TNRC6A: variants seen among roughly 807,000 people sequenced by gnomAD.
The protein encoded by TNRC6A is trinucleotide repeat-containing gene 6A protein.
A neutral mutation model predicts 221.2 loss-of-function variants in TNRC6A; 44 were observed. That is an observed-to-expected ratio of 0.20 (90% CI 0.16 to 0.26). The LOEUF (loss-of-function observed/expected upper bound fraction) is 0.26, where lower values mean the gene tolerates loss of function less well. Ranked by LOEUF, TNRC6A falls within the 10% of genes least tolerant of loss-of-function variation. The pLI is 1.00. For missense variants in TNRC6A, 2,199 were observed against 2,404.4 expected (o/e 0.91, Z 1.79); for synonymous variants, 847 against 838.5 (o/e 1.01, Z -0.18).
intron 2 of TNRC6A, among the ~76,000 whole-genome samples, chr16:24,748,243 A>G (rs1285564913): frequency 1.3e-5 from 2 of 152,248 alleles, no homozygotes; most frequent in African/African-American, 4.8e-5. Flanking sequence ...AAGTATTTTT[A>G]ACTAGTAATC....
At chr16:24,669,968 T>TTTTTTTTTTTTTTTTTTTTTC (rs2055259977) in intron 2 of TNRC6A, among the ~76,000 whole-genome samples, 1 of 115,962 alleles carries the variant, frequency 8.6e-6, no homozygotes, top group Non-Finnish European at 1.7e-5. Flanking sequence ...TTTTTTTTTT[T>TTTTTTTTTTTTTTTTTTTTTC]AGACAGAGTC....
chr16:24,795,975 A>G, intron 9 of TNRC6A, 36 bp downstream of exon 9: 2 of 1,611,724 alleles, frequency 1.2e-6, no homozygotes, highest in South Asian at 1.1e-5. Flanking sequence ...CTTTGTTTCT[A>G]CTAGTAAAAA....
chr16:24,729,068 T>A (rs1021262567), upstream of TNRC6A, among the ~76,000 whole-genome samples: 2 of 152,054 alleles, frequency 1.3e-5, no homozygotes, highest in South Asian at 4.1e-4. Context: ...CCCAGAATTA[T>A]TTCCTGAGCA....
At chr16:24,663,915 G>A (rs767868044) in intron 2 of TNRC6A, 75 of 456,510 alleles carry the variant, frequency 1.6e-4, no homozygotes, top group South Asian at 2.8e-4. Context: ...ATTTTAAGCC[G>A]TTAGCAGTTA....
chr16:24,618,370 A>G (rs551132136), intron 1 of TNRC6A, among the ~76,000 whole-genome samples: 1 of 152,220 alleles, frequency 6.6e-6, no homozygotes, highest in Non-Finnish European at 1.5e-5. Flanking sequence ...TACTCCTGGT[A>G]GGCTCTCAGC....
At chr16:24,814,012 C>T (rs2058601241) in intron 18 of TNRC6A, among the ~76,000 whole-genome samples, 2 of 152,180 alleles carry the variant, frequency 1.3e-5, no homozygotes, top group African/African-American at 4.8e-5. Context: ...TTTAATTCTG[C>T]TTATAGAACA....
intron 2 of TNRC6A, among the ~76,000 whole-genome samples, chr16:24,740,222 A>C (rs553277470): frequency 3.7e-4 from 57 of 152,308 alleles, no homozygotes; most frequent in African/African-American, 1.3e-3. Flanking sequence ...CCTTCCTTCA[A>C]GATTGCATTG....
intron 11 of TNRC6A, among the ~76,000 whole-genome samples, chr16:24,800,847 G>A (rs1371436186): frequency 1.3e-5 from 2 of 152,166 alleles, no homozygotes; most frequent in Admixed American, 1.3e-4. Context: ...TGCCTACCAA[G>A]TCCACATGCT....
In TNRC6A at chr16:24,696,728, C is replaced by CAAAAA. The variant is rs1251210834; in HGVS notation, n.403-53985_403-53981dup. On this transcript the variant is annotated intron_variant and non_coding_transcript_variant, in intron 2 of 2. Transcript: ENST00000566108. ...TGGGCAACAGAGCGAGACCCTGTCTCAAAAAAAAAAAAAAAAAGAAAGGAA... is the reference window on the plus strand; with the variant it reads ...TGGGCAACAGAGCGAGACCCTGTCTCAAAAAAAAAAAAAAAAAAAAAAGAAAGGAA... Among the ~76,000 whole-genome samples the CAAAAA allele has an allele frequency of 4.9e-4, 22 of 45,146 alleles. 1 individual carries two copies. Among genetic ancestry groups the CAAAAA allele is most frequent in the African/African-American group, 1.9e-3 (17 of 9,018 alleles). The allele number at this position is 45,146 out of a possible 152,430, so 29.6% of individuals were successfully genotyped here.
chr16:24,650,513 A>G (rs1482360055), intron 2 of TNRC6A, among the ~76,000 whole-genome samples: 1 of 152,110 alleles, frequency 6.6e-6, no homozygotes, highest in Non-Finnish European at 1.5e-5. Context: ...AAAAATACAA[A>G]CATTAGCCTG....
intron 2 of TNRC6A, among the ~76,000 whole-genome samples, chr16:24,706,794 G>A (rs536905298): frequency 6.6e-6 from 1 of 151,318 alleles, no homozygotes; most frequent in South Asian, 2.1e-4. Flanking sequence ...CATTTGAGAA[G>A]CTACTAAATG....
At chr16:24,746,293 G>A (rs1369780922) in intron 2 of TNRC6A, among the ~76,000 whole-genome samples, 1 of 152,116 alleles carries the variant, frequency 6.6e-6, no homozygotes, top group Non-Finnish European at 1.5e-5. Flanking sequence ...GAGTGCAGTG[G>A]CTCACCCCTG....
Position 24,791,105 on chromosome 16 carries a change from T to C in TNRC6A, c.2463T>C (p.Asn821=). ...TGMVKSNQWG[N]CKEEKAAWND... ...TGGTCAAGAGCAATCAGTGGGGGAA[T>C]TGCAAAGAGGAGAAGGCTGCATGGA... Residue 821 remains asparagine (N), a synonymous_variant, in exon 6 of 25, where the codon AAT becomes AAC. Coordinates refer to ENST00000395799, the MANE Select transcript of TNRC6A (RefSeq NM_014494.4). 2.5e-6 allele frequency: 4 copies of C among 1,613,422 alleles called. No individual in the cohort carries two copies. The highest frequency in any genetic ancestry group is 3.4e-6 in the Non-Finnish European group (4 of 1,179,688).
chr16:24,751,600 G>A (rs937185708), intron 3 of TNRC6A, among the ~76,000 whole-genome samples: 5 of 152,114 alleles, frequency 3.3e-5, no homozygotes, highest in East Asian at 3.8e-4. Context: ...CTCCTACTAT[G>A]TCAAGGTTTC....
rs558025106 is a variant in TNRC6A at position 24,701,396 on chromosome 16, C to T, written n.403-49330C>T. ...TTTTTTTTTTTTTGAGACGGAGTCT[C>T]GCTCTGTCGCCCAGGCTGGAGTGCA... is the stretch of plus-strand genomic sequence containing the variant. On this transcript the variant is annotated intron_variant and non_coding_transcript_variant, in intron 2 of 2. Transcript: ENST00000566108. 3.7e-4 allele frequency among the ~76,000 whole-genome samples: 56 copies of T among 150,686 alleles called. 1 individual carries two copies. In the East Asian group the frequency reaches 9.8e-3, roughly 26 times the overall value.
chr16:24,815,127 T>A lies in TNRC6A; in HGVS notation c.4673-20T>A. On this transcript the variant is annotated intron_variant, in intron 18 of 24. Coordinates refer to ENST00000395799, the MANE Select transcript of TNRC6A (RefSeq NM_014494.4). ...TGTGTGTATTTTGCTCACATTTCTC[T>A]ATTATTCTTCCCTTGTTAGGTGCTA... is the stretch of plus-strand genomic sequence containing the variant. 1 of 1,605,332 alleles carries A rather than the reference T, an allele frequency of 6.2e-7. No individual in the cohort carries two copies. Among genetic ancestry groups the A allele is most frequent in the Non-Finnish European group, 8.5e-7 (1 of 1,174,014 alleles).
intron 3 of TNRC6A, among the ~76,000 whole-genome samples, chr16:24,756,472 T>C (rs975355301): frequency 1.3e-5 from 2 of 152,220 alleles, no homozygotes; most frequent in African/African-American, 4.8e-5. Flanking sequence ...CTTTCATTCC[T>C]TGTATACATT....
intron 1 of TNRC6A, among the ~76,000 whole-genome samples, chr16:24,635,074 T>TTTTC (rs911472079): frequency 4.6e-5 from 7 of 151,426 alleles, no homozygotes; most frequent in South Asian, 2.1e-4. Flanking sequence ...CTTTCTTTCT[T>TTTTC]TTTCTTTCTT....
intron 11 of TNRC6A, among the ~76,000 whole-genome samples, chr16:24,800,636 C>T (rs150456384): frequency 3.3e-5 from 5 of 152,298 alleles, no homozygotes; most frequent in South Asian, 2.1e-4. Flanking sequence ...CTGAATGGCA[C>T]GGAAGTTGCT....
Sources: allele counts gnomAD v4.1 joint callset (sites outside exome capture counted in the v4.1 genomes callset), GRCh38; gene constraint gnomAD v4.1.1; transcripts MANE v1.5; gene names NCBI Gene and HGNC (gene_info 2026-07-23, HGNC 2026-07-21).